The following PAX2 variants were observed in gnomAD, a reference collection of about 807,000 sequenced individuals.
PAX2 encodes paired box protein Pax-2.
In PAX2, 9 loss-of-function variants were observed where a neutral mutation model predicts 41.7. That is an observed-to-expected ratio of 0.22 (90% CI 0.13 to 0.38). The LOEUF is 0.38. Ranked by LOEUF, PAX2 falls within the 10% of genes least tolerant of loss-of-function variation. PAX2 has a pLI of 1.00. For missense variants in PAX2, 418 were observed against 531.6 expected (o/e 0.79, Z 2.10); for synonymous variants, 221 against 212.7 (o/e 1.04, Z -0.34).
In PAX2 at chr10:100,765,540, GTTT is replaced by G. The variant is rs1408137401; in HGVS notation, c.411-13955_411-13953del. Reference sequence around the variant, plus strand: ...CTGATTTTCAAATTAGAAAGTAAATGTTTTTAATGAGCAAAATTAGAATCCTGA... The same window carrying G: ...CTGATTTTCAAATTAGAAAGTAAATGTTAATGAGCAAAATTAGAATCCTGA... On this transcript the variant is annotated intron_variant, in intron 3 of 9. Coordinates refer to ENST00000355243, the MANE Select transcript of PAX2 (RefSeq NM_000278.5). Among the ~76,000 whole-genome samples the G allele has an allele frequency of 7.9e-5, 12 of 152,336 alleles. No individual in the cohort carries two copies. The East Asian group carries it at 2.1e-3, about 27-fold the overall frequency.
intron 6 of PAX2, 39 bp downstream of exon 6, chr10:100,806,644 G>T (rs775600316): frequency 1.3e-6 from 2 of 1,591,984 alleles, no homozygotes; most frequent in African/African-American, 1.3e-5. Context: ...GTAGAAAGGA[G>T]CCGGCAGAGC....
chr10:100,742,971 ATGAAGGCCAGCCC>A (rs1207644084), upstream of PAX2, among the ~76,000 whole-genome samples: 1 of 144,170 alleles, frequency 6.9e-6, no homozygotes, highest in Non-Finnish European at 1.5e-5. Context: ...CAGTGACTGG[ATGAAGGCCAGCCC>A]TTCATCCTGG....
chr10:100,821,238 A>AT (rs1848371927), intron 7 of PAX2, among the ~76,000 whole-genome samples: 1 of 152,242 alleles, frequency 6.6e-6, no homozygotes, highest in South Asian at 2.1e-4. Flanking sequence ...AGTTTGGTCA[A>AT]TTTTTTCTGC....
chr10:100,801,923 C>T (rs945312811), intron 5 of PAX2, among the ~76,000 whole-genome samples: 8 of 152,246 alleles, frequency 5.3e-5, no homozygotes, highest in East Asian at 3.8e-4. Context: ...GCTTCAGCTT[C>T]CTTATCTTTA....
chr10:100,815,211 C>G (rs1848147204), intron 7 of PAX2, among the ~76,000 whole-genome samples: 1 of 152,202 alleles, frequency 6.6e-6, no homozygotes, highest in African/African-American at 2.4e-5. Flanking sequence ...CAGCTTAGCC[C>G]TTGGCCAGCC....
chr10:100,772,880 T>C (rs58061250), intron 3 of PAX2, among the ~76,000 whole-genome samples: 4,240 of 152,290 alleles, frequency 0.028, 214 homozygotes, highest in African/African-American at 0.096. Context: ...GGAAAGGATT[T>C]CATGGTGACA....
chr10:100,767,205 G>A (rs1564715897), intron 3 of PAX2, among the ~76,000 whole-genome samples: 1 of 152,160 alleles, frequency 6.6e-6, no homozygotes, highest in East Asian at 1.9e-4. Context: ...CAGAGACAGA[G>A]CCAATAGCGC....
intron 3 of PAX2, among the ~76,000 whole-genome samples, chr10:100,774,646 T>C (rs933939241): frequency 7.9e-5 from 12 of 152,140 alleles, no homozygotes; most frequent in African/African-American, 2.7e-4. Flanking sequence ...TGGTCATCAT[T>C]GTTATTATAG....
intron 5 of PAX2, among the ~76,000 whole-genome samples, chr10:100,787,962 G>A (rs1427366421): frequency 6.6e-6 from 1 of 152,034 alleles, no homozygotes; most frequent in Non-Finnish European, 1.5e-5. Flanking sequence ...GAGGGGCACC[G>A]AGGGAGGTGG....
In PAX2 at chr10:100,748,236, G is replaced by C. The variant is rs944678001; in HGVS notation, c.44-1510G>C. 8.1e-5 allele frequency: 80 copies of C among 985,170 alleles called. No homozygotes were observed. Among genetic ancestry groups the C allele is most frequent in the Non-Finnish European group, 9.5e-5 (79 of 829,890 alleles). The allele number at this position is 985,170 out of a possible 1,614,324, so 61.0% of individuals were successfully genotyped here. ...CCCGCAGCTGCCGCCTTTTCATACCGGTAACGCGAGTTCTCCCGGGGCCTA... is the reference window on the plus strand; with the variant it reads ...CCCGCAGCTGCCGCCTTTTCATACCCGTAACGCGAGTTCTCCCGGGGCCTA... On this transcript the variant is annotated intron_variant, in intron 1 of 9. Coordinates refer to ENST00000355243, the MANE Select transcript of PAX2 (RefSeq NM_000278.5). The surrounding 1 kb of genome is among the most constrained non-coding windows in gnomAD (Gnocchi z 5.0).
At chr10:100,798,188 T>G (rs1424268839) in intron 5 of PAX2, among the ~76,000 whole-genome samples, 1 of 138,868 alleles carries the variant, frequency 7.2e-6, no homozygotes, top group Non-Finnish European at 1.5e-5. Flanking sequence ...TGATCTCAAC[T>G]CACTGCAGCC....
At position 100,786,861 on chromosome 10, in the gene PAX2, G is replaced by A. The variant is rs189305633; in HGVS notation, c.616+5496G>A. 7.3e-5 allele frequency: 59 copies of A among 803,992 alleles called. No individual in the cohort carries two copies. In the East Asian group the frequency reaches 1.6e-3, roughly 22 times the overall value. 49.8% of individuals were successfully genotyped at this position (803,992 alleles called of 1,614,324 possible). A position where few individuals can be genotyped will look rare whatever the true frequency, so the allele number is the denominator to read the frequency against. Reference sequence around the variant, plus strand: ...CCTTAGAAGGGGAGTCTGGTCTCCCGATCTTGGGATCCTGCCCCCAATCTT... The same window carrying A: ...CCTTAGAAGGGGAGTCTGGTCTCCCAATCTTGGGATCCTGCCCCCAATCTT... On this transcript the variant is annotated intron_variant, in intron 5 of 9. Coordinates refer to ENST00000355243, the MANE Select transcript of PAX2 (RefSeq NM_000278.5).
chr10:100,823,775 G>A (rs1429425148), intron 7 of PAX2, among the ~76,000 whole-genome samples: 1 of 152,122 alleles, frequency 6.6e-6, no homozygotes, highest in Non-Finnish European at 1.5e-5. Flanking sequence ...TCATAGCCAT[G>A]GAGGATGCAG....
At chr10:100,761,623 G>A (rs987021471) in intron 3 of PAX2, among the ~76,000 whole-genome samples, 1 of 152,162 alleles carries the variant, frequency 6.6e-6, no homozygotes, top group East Asian at 1.9e-4. Flanking sequence ...AATTAAATTT[G>A]TCCAGTGGTG....
intron 3 of PAX2, among the ~76,000 whole-genome samples, chr10:100,774,304 G>T (rs1032020220): frequency 2.0e-5 from 3 of 152,114 alleles, no homozygotes; most frequent in Non-Finnish European, 4.4e-5. Context: ...GTAAGGGAGT[G>T]GCCTCCCCAC....
chr10:100,749,967 C>A (rs1845373711), intron 2 of PAX2, 53 bp downstream of exon 2: 4 of 1,582,142 alleles, frequency 2.5e-6, no homozygotes, highest in Non-Finnish European at 3.4e-6. Flanking sequence ...CCCCGGCCAG[C>A]CCTGGGTCTC....
intron 1 of PAX2, chr10:100,748,000 G>A (rs1009132663): frequency 3.0e-6 from 3 of 984,696 alleles, no homozygotes; most frequent in South Asian, 4.7e-5. Flanking sequence ...CGCAGCGCGG[G>A]CCCGCGGGCC....
At chr10:100,794,632 A>G (rs966025630) in intron 5 of PAX2, among the ~76,000 whole-genome samples, 4 of 152,220 alleles carry the variant, frequency 2.6e-5, no homozygotes, top group African/African-American at 9.6e-5. Context: ...CTCTGAAATG[A>G]ACACTGAACT....
chr10:100,781,703 A>C (rs927580789), intron 5 of PAX2, among the ~76,000 whole-genome samples: 2 of 152,180 alleles, frequency 1.3e-5, no homozygotes, highest in Non-Finnish European at 2.9e-5. Context: ...CTGAGGATGA[A>C]AGGCCAACCT....
Sources: allele counts gnomAD v4.1 joint callset (sites outside exome capture counted in the v4.1 genomes callset), GRCh38; gene constraint gnomAD v4.1.1; non-coding constraint Gnocchi (gnomAD v3.1); transcripts MANE v1.5; gene names NCBI Gene and HGNC (gene_info 2026-07-23, HGNC 2026-07-21).